MED12L: variants seen among roughly 807,000 people sequenced by gnomAD.
The protein encoded by MED12L is mediator of RNA polymerase II transcription subunit 12-like protein.
MED12L carries 60 observed loss-of-function variants against 281.3 expected under a neutral mutation model. The ratio of observed to expected loss-of-function variants is 0.21; its 90% CI spans 0.17 to 0.26. MED12L has a LOEUF of 0.26. MED12L is among the 10% of genes least tolerant of loss of function. The pLI is 1.00. For missense variants in MED12L, 2,146 were observed against 2,680.9 expected (o/e 0.80, Z 4.41); for synonymous variants, 974 against 987.2 (o/e 0.99, Z 0.25).
chr3:151,233,459 C>A (rs148568129), intron 16 of MED12L, among the ~76,000 whole-genome samples: 7 of 152,298 alleles, frequency 4.6e-5, no homozygotes, highest in Middle Eastern at 3.4e-3. Flanking sequence ...CTGGGCCGGG[C>A]GTGATGGCTC....
chr3:151,191,929 A>T (rs985491653), intron 14 of MED12L, among the ~76,000 whole-genome samples: 1 of 152,134 alleles, frequency 6.6e-6, no homozygotes, highest in African/African-American at 2.4e-5. Context: ...AAAAAAAAAA[A>T]ACACCTCACA....
chr3:151,345,479 A>G (rs1752407162), intron 16 of MED12L, among the ~76,000 whole-genome samples: 1 of 146,244 alleles, frequency 6.8e-6, no homozygotes, highest in Non-Finnish European at 1.5e-5. Context: ...ATGAATTGCT[A>G]TTTGAAGGCT....
chr3:151,104,448 T>A (rs950613950), intron 2 of MED12L, among the ~76,000 whole-genome samples: 6 of 152,274 alleles, frequency 3.9e-5, no homozygotes, highest in Middle Eastern at 3.4e-3. Flanking sequence ...CAAGTAGAAA[T>A]CAGTCCCTAT....
chr3:151,365,611 T>C (rs1046295984), intron 22 of MED12L, among the ~76,000 whole-genome samples: 5 of 152,340 alleles, frequency 3.3e-5, no homozygotes, highest in Admixed American at 6.5e-5. Flanking sequence ...AAAAATATTC[T>C]AATTCGTGTA....
intron 24 of MED12L, among the ~76,000 whole-genome samples, 154 bp downstream of exon 24, chr3:151,367,920 T>C (rs185582153): frequency 1.4e-4 from 21 of 152,280 alleles, no homozygotes; most frequent in African/African-American, 4.6e-4. Flanking sequence ...TTAATAGTTA[T>C]TTTATACAAA....
chr3:151,110,904 T>G (rs1013894226), intron 2 of MED12L, among the ~76,000 whole-genome samples: 19 of 152,204 alleles, frequency 1.2e-4, no homozygotes, highest in African/African-American at 4.6e-4. Flanking sequence ...TTCCTGGTGG[T>G]GAGACCTGTA....
intron 16 of MED12L, chr3:151,338,194 G>T (rs758020400): frequency 6.2e-7 from 1 of 1,613,916 alleles, no homozygotes; most frequent in Non-Finnish European, 8.5e-7. Flanking sequence ...ACGTATGACC[G>T]GTACAGTTCT....
At chr3:151,180,196 T>G (rs1722552083) in intron 11 of MED12L, among the ~76,000 whole-genome samples, 1 of 152,190 alleles carries the variant, frequency 6.6e-6, no homozygotes, top group South Asian at 2.1e-4. Flanking sequence ...AGGTTTTAAT[T>G]TCTGGGTTTC....
In MED12L at chr3:151,435,062, CTTTTTTTTT is replaced by C. The variant is rs66791814; in HGVS notation, c.*2270_*2278del. 2.4e-4 allele frequency: 28 copies of C among 119,084 alleles called. No homozygotes were observed. The highest frequency in any genetic ancestry group is 3.8e-4 in the Non-Finnish European group (22 of 57,278). 7.4% of individuals were successfully genotyped at this position (119,084 alleles called of 1,614,324 possible). On this transcript the variant is annotated 3_prime_UTR_variant, in exon 45 of 45. Coordinates refer to ENST00000687756, the MANE Select transcript of MED12L (RefSeq NM_001393769.1). ...GTTAATTCTGTATCTTGAGAGGTTT[CTTTTTTTTT>C]TTTTTTTTTTTCTTTTCTTGCAAAT... is the stretch of plus-strand genomic sequence containing the variant.
At chr3:151,331,979 G>A (rs1220825480) in intron 16 of MED12L, among the ~76,000 whole-genome samples, 4 of 152,178 alleles carry the variant, frequency 2.6e-5, no homozygotes, top group Non-Finnish European at 2.9e-5. Context: ...GGGTGACAGT[G>A]GAATTGTTTG....
intron 16 of MED12L, among the ~76,000 whole-genome samples, chr3:151,280,606 G>A (rs1742651902): frequency 6.6e-6 from 1 of 151,952 alleles, no homozygotes; most frequent in African/African-American, 2.4e-5. Context: ...CAAAACCTGA[G>A]TGTGCACTGT....
chr3:151,107,927 G>C (rs1241271002), intron 2 of MED12L, among the ~76,000 whole-genome samples: 1 of 152,184 alleles, frequency 6.6e-6, no homozygotes, highest in Non-Finnish European at 1.5e-5. Flanking sequence ...TGGAATGCTG[G>C]GCTTGATTGT....
At chr3:151,117,442 A>G (rs1713000841) in intron 3 of MED12L, among the ~76,000 whole-genome samples, 2 of 152,158 alleles carry the variant, frequency 1.3e-5, no homozygotes, top group African/African-American at 4.8e-5. Flanking sequence ...TGGGACACAT[A>G]GATACATATT....
At chr3:151,188,594 T>C in intron 13 of MED12L, 114 bp downstream of exon 13, 4 of 1,134,520 alleles carry the variant, frequency 3.5e-6, no homozygotes, top group Middle Eastern at 2.4e-4. Flanking sequence ...CTGAATATAA[T>C]GTATGTTTTA....
At chr3:151,374,968 G>T (rs1377813307) in intron 27 of MED12L, among the ~76,000 whole-genome samples, 3 of 151,786 alleles carry the variant, frequency 2.0e-5, no homozygotes, top group Non-Finnish European at 4.4e-5. Context: ...ATATTATTTT[G>T]TACTTTGCTA....
chr3:151,384,473 A>G (rs1712964183), intron 35 of MED12L, among the ~76,000 whole-genome samples: 1 of 152,216 alleles, frequency 6.6e-6, no homozygotes, highest in Non-Finnish European at 1.5e-5. Flanking sequence ...TCCACTGTTA[A>G]ATATATAACC....
At chr3:151,310,831 G>C (rs1172513210) in intron 16 of MED12L, among the ~76,000 whole-genome samples, 3 of 152,198 alleles carry the variant, frequency 2.0e-5, no homozygotes, top group African/African-American at 7.2e-5. Flanking sequence ...ACATTGGAAG[G>C]AGAGCTTAGT....
intron 16 of MED12L, among the ~76,000 whole-genome samples, chr3:151,200,212 A>G (rs547290510): frequency 6.6e-6 from 1 of 152,070 alleles, no homozygotes; most frequent in Non-Finnish European, 1.5e-5. Flanking sequence ...AAGTCTTGTC[A>G]TGTCCCTCCC....
At chr3:151,137,655 A>G (rs1716347248) in intron 5 of MED12L, among the ~76,000 whole-genome samples, 1 of 152,200 alleles carries the variant, frequency 6.6e-6, no homozygotes, top group Admixed American at 6.5e-5. Context: ...AAGAGTTTTT[A>G]GTAATTTCTT....
Sources: gnomAD v4.1 joint callset for allele counts (sites outside exome capture counted in the v4.1 genomes callset) on GRCh38, gnomAD v4.1.1 for gene constraint, MANE v1.5 for transcripts, NCBI Gene and HGNC (gene_info 2026-07-23, HGNC 2026-07-21) for gene names.